CDKAL1: variants seen among roughly 807,000 people sequenced by gnomAD.
CDKAL1 encodes the protein threonylcarbamoyladenosine tRNA methylthiotransferase.
A neutral mutation model predicts 68.2 loss-of-function variants in CDKAL1; 32 were observed. The ratio of observed to expected loss-of-function variants is 0.47; its 90% CI spans 0.35 to 0.63. The LOEUF is 0.63. Among genes scored for constraint, CDKAL1 ranks in the 30% least tolerant of loss-of-function variants. The probability of loss-of-function intolerance (pLI) is 0.00; values close to 1 mark genes in which losing one functional copy is unlikely to be tolerated. For missense variants in CDKAL1, 606 were observed against 696.7 expected (o/e 0.87, Z 1.47); for synonymous variants, 234 against 244.3 (o/e 0.96, Z 0.39).
intron 9 of CDKAL1, among the ~76,000 whole-genome samples, chr6:20,887,216 A>G (rs1442083525): frequency 1.3e-5 from 2 of 152,194 alleles, no homozygotes; most frequent in Non-Finnish European, 2.9e-5. Context: ...ATTCTCATAC[A>G]TTGTTGCTGG....
At chr6:20,621,776 T>G (rs1767205224) in intron 4 of CDKAL1, among the ~76,000 whole-genome samples, 1 of 150,980 alleles carries the variant, frequency 6.6e-6, no homozygotes, top group South Asian at 2.1e-4. Flanking sequence ...ACCTCAGTGT[T>G]TTTTTTTTTG....
chr6:20,957,938 T>A (rs1561915609), intron 10 of CDKAL1, among the ~76,000 whole-genome samples: 1 of 134,856 alleles, frequency 7.4e-6, no homozygotes, highest in Non-Finnish European at 1.5e-5. Flanking sequence ...GCCACTGCAC[T>A]CCAGCCTGGG....
At chr6:20,648,591 T>A (rs1162546847) in intron 4 of CDKAL1, among the ~76,000 whole-genome samples, 1 of 152,222 alleles carries the variant, frequency 6.6e-6, no homozygotes, top group Non-Finnish European at 1.5e-5. Context: ...TCTGTTCTTA[T>A]ACAGATACTG....
chr6:20,824,632 G>A (rs1377173010), intron 8 of CDKAL1, among the ~76,000 whole-genome samples: 1 of 152,196 alleles, frequency 6.6e-6, no homozygotes, highest in Non-Finnish European at 1.5e-5. Context: ...CAGCAAAAGA[G>A]AGAGTTTTCT....
intron 13 of CDKAL1, among the ~76,000 whole-genome samples, chr6:21,112,868 C>T (rs1307360745): frequency 1.3e-5 from 2 of 152,162 alleles, no homozygotes; most frequent in Admixed American, 6.5e-5. Flanking sequence ...TTGTGTAATT[C>T]TCCTCACCCA....
intron 4 of CDKAL1, among the ~76,000 whole-genome samples, chr6:20,632,443 G>T (rs1767714272): frequency 6.6e-6 from 1 of 152,218 alleles, no homozygotes; most frequent in Non-Finnish European, 1.5e-5. Context: ...TCGAATCATT[G>T]TAAGTTGGAG....
chr6:20,877,337 T>G (rs565989163), intron 9 of CDKAL1, among the ~76,000 whole-genome samples: 2 of 152,332 alleles, frequency 1.3e-5, no homozygotes, highest in African/African-American at 4.8e-5. Context: ...TAATATCTGA[T>G]GAGATTTAGG....
At chr6:20,997,908 G>T (rs913821891) in intron 10 of CDKAL1, among the ~76,000 whole-genome samples, 1 of 152,086 alleles carries the variant, frequency 6.6e-6, no homozygotes, top group East Asian at 1.9e-4. Flanking sequence ...TAAAAAATTA[G>T]ATGATTTACA....
chr6:20,913,116 T>TAC (rs70990080), intron 9 of CDKAL1, among the ~76,000 whole-genome samples: 10,635 of 136,366 alleles, frequency 0.078, 415 homozygotes, highest in Middle Eastern at 0.096. Flanking sequence ...CACAGTTGTT[T>TAC]ACACACACAC....
chr6:21,068,070 G>A (rs1170483239), intron 12 of CDKAL1, among the ~76,000 whole-genome samples: 9 of 151,916 alleles, frequency 5.9e-5, no homozygotes, highest in Admixed American at 2.6e-4. Flanking sequence ...TTTACAACCC[G>A]CCCTTACCCC....
intron 4 of CDKAL1, among the ~76,000 whole-genome samples, chr6:20,563,417 T>G (rs1764341623): frequency 6.6e-6 from 1 of 152,204 alleles, no homozygotes; most frequent in African/African-American, 2.4e-5. Flanking sequence ...GGAGAGTATT[T>G]GAAGCTTATC....
chr6:20,709,262 A>C (rs1467688782), intron 5 of CDKAL1, among the ~76,000 whole-genome samples: 1 of 152,168 alleles, frequency 6.6e-6, no homozygotes, highest in Non-Finnish European at 1.5e-5. Flanking sequence ...CTAATGAAGA[A>C]CAAAGTACTT....
intron 12 of CDKAL1, among the ~76,000 whole-genome samples, chr6:21,093,694 C>CTTTTTTTTTTTT (rs547923386): frequency 5.7e-5 from 5 of 88,096 alleles, no homozygotes; most frequent in African/African-American, 1.8e-4. Context: ...GCTGCTGCTG[C>CTTTTTTTTTTTT]TTTTTTTTTT....
intron 11 of CDKAL1, among the ~76,000 whole-genome samples, chr6:21,038,099 G>A (rs1176718077): frequency 2.0e-5 from 3 of 152,142 alleles, no homozygotes; most frequent in Non-Finnish European, 2.9e-5. Flanking sequence ...ATAACAAGCA[G>A]TTATAATGGA....
At chr6:20,866,001 C>T (rs1759887829) in intron 9 of CDKAL1, among the ~76,000 whole-genome samples, 1 of 152,248 alleles carries the variant, frequency 6.6e-6, no homozygotes. Context: ...TAGTTGTGTG[C>T]CTGATTTTAA....
intron 5 of CDKAL1, among the ~76,000 whole-genome samples, chr6:20,677,464 G>A (rs1770170317): frequency 6.6e-6 from 1 of 151,524 alleles, no homozygotes; most frequent in Admixed American, 6.6e-5. Context: ...TGTCGCCCAG[G>A]CTGGAGTGCA....
intron 13 of CDKAL1, among the ~76,000 whole-genome samples, chr6:21,192,122 C>T (rs557799083): frequency 2.0e-4 from 29 of 142,498 alleles, no homozygotes; most frequent in Admixed American, 5.7e-4. Flanking sequence ...CCCGGGTTCA[C>T]GCCATTCTCC....
intron 5 of CDKAL1, among the ~76,000 whole-genome samples, chr6:20,676,888 G>T (rs1354826854): frequency 3.9e-5 from 6 of 151,938 alleles, no homozygotes; most frequent in African/African-American, 1.5e-4. Context: ...TACCATCTAG[G>T]TTTGTGTAAG....
At chr6:20,903,169 T>C (rs1047685930) in intron 9 of CDKAL1, among the ~76,000 whole-genome samples, 4 of 152,128 alleles carry the variant, frequency 2.6e-5, no homozygotes, top group African/African-American at 9.7e-5. Context: ...CTCTTCTCAC[T>C]CTCTCTGTCA....
Sources: gnomAD v4.1 joint callset for allele counts (sites outside exome capture counted in the v4.1 genomes callset) on GRCh38, gnomAD v4.1.1 for gene constraint, MANE v1.5 for transcripts, NCBI Gene and HGNC (gene_info 2026-07-23, HGNC 2026-07-21) for gene names.